Variants in ACSM1 observed in about 807,000 individuals in gnomAD.
The protein encoded by ACSM1 is acyl-CoA synthetase medium chain family member 1, also known as acyl-coenzyme A synthetase ACSM1, mitochondrial.
ACSM1 carries 79 observed loss-of-function variants against 75.8 expected under a neutral mutation model. That is an observed-to-expected ratio of 1.04 (90% CI 0.87 to 1.26). The LOEUF is 1.26. ACSM1 is among the 50% of genes most tolerant of loss of function. The probability of loss-of-function intolerance (pLI) is 0.00; values close to 1 mark genes in which losing one functional copy is unlikely to be tolerated. For missense variants in ACSM1, 676 were observed against 720.1 expected (o/e 0.94, Z 0.70); for synonymous variants, 279 against 265.8 (o/e 1.05, Z -0.48).
In ACSM1 at chr16:20,686,911, G is replaced by A. The variant is rs141531627; in HGVS notation, c.193-1508C>T. ...ACATCATGTTGTACACCTTAAATAC[G>A]TATGATTAAAAATTTAAAAAGGAAA... On this transcript the variant is annotated intron_variant, in intron 2 of 13. Transcript: ENST00000520010. 9.0e-4 allele frequency among the ~76,000 whole-genome samples: 136 copies of A among 151,286 alleles called. No individual in the cohort carries two copies. In the Middle Eastern group the frequency reaches 0.014, roughly 15 times the overall value.
At chr16:20,668,487 G>A (rs1392106755) in intron 6 of ACSM1, among the ~76,000 whole-genome samples, 1 of 152,164 alleles carries the variant, frequency 6.6e-6, no homozygotes, top group Non-Finnish European at 1.5e-5. Context: ...CATTGATATA[G>A]AGGTAGGTAA....
chr16:20,695,250 C>T (rs73530599), intron 1 of ACSM1, among the ~76,000 whole-genome samples: 2,397 of 152,250 alleles, frequency 0.016, 66 homozygotes, highest in African/African-American at 0.054. Context: ...ACCCACATAA[C>T]TTGGGGCAAT....
chr16:20,677,977 C>T (rs2079342317), intron 4 of ACSM1, among the ~76,000 whole-genome samples: 1 of 147,886 alleles, frequency 6.8e-6, no homozygotes, highest in South Asian at 2.1e-4. Flanking sequence ...AGATGCACTG[C>T]AAGGGGCACC....
At chr16:20,637,568 C>T in intron 8 of ACSM1, 117 bp from the exon 9 acceptor site, 1 of 929,520 alleles carries the variant, frequency 1.1e-6, no homozygotes, top group Non-Finnish European at 1.7e-6. Flanking sequence ...TCAATGGATG[C>T]TGCCCAAAGA....
intron 7 of ACSM1, among the ~76,000 whole-genome samples, chr16:20,647,336 C>A (rs758789249): frequency 6.6e-6 from 1 of 152,198 alleles, no homozygotes; most frequent in Non-Finnish European, 1.5e-5. Flanking sequence ...GGAATGAAGA[C>A]CGACTAGAGT....
At chr16:20,679,116 G>A (rs1459498107) in intron 4 of ACSM1, 1 of 152,190 alleles carries the variant, frequency 6.6e-6, no homozygotes, top group African/African-American at 2.4e-5. Context: ...ATACAGGATA[G>A]GCCTCATATT....
chr16:20,623,599 G>C (rs79344689), intron 13 of ACSM1, 27 bp from the exon 14 acceptor site: 1 of 1,596,422 alleles, frequency 6.3e-7, no homozygotes, highest in African/African-American at 1.3e-5. Context: ...CAAATCCACA[G>C]TGATTGAGTC....
At position 20,670,479 on chromosome 16, in the gene ACSM1, C is replaced by T. The variant is rs538810682; in HGVS notation, c.753-493G>A. ...TCTATTCTAATTTTCTCCAATCCAT[C>T]CTGCATCCTGCAGCCATGATGATCT... is the stretch of plus-strand genomic sequence containing the variant. On this transcript the variant is annotated intron_variant, in intron 5 of 13. Coordinates refer to ENST00000520010, the MANE Select transcript of ACSM1 (RefSeq NM_001318890.3). Among the ~76,000 whole-genome samples, 7 of 152,340 alleles carry T rather than the reference C, an allele frequency of 4.6e-5. No homozygotes were observed. The East Asian group carries it at 1.2e-3, about 25-fold the overall frequency.
At chr16:20,637,877 C>A (rs2017819005) in intron 8 of ACSM1, among the ~76,000 whole-genome samples, 1 of 152,240 alleles carries the variant, frequency 6.6e-6, no homozygotes, top group Admixed American at 6.5e-5. Context: ...TCTGCCACAA[C>A]TTCTTGACTG....
At chr16:20,695,677 T>TGTC (rs1183607941) in intron 1 of ACSM1, among the ~76,000 whole-genome samples, 1 of 139,908 alleles carries the variant, frequency 7.1e-6, no homozygotes, top group African/African-American at 2.7e-5. Context: ...TCTATCTATC[T>TGTC]ATCATCTATC....
At chr16:20,690,760 T>C (rs940331427) in intron 2 of ACSM1, among the ~76,000 whole-genome samples, 2 of 152,224 alleles carry the variant, frequency 1.3e-5, no homozygotes, top group African/African-American at 4.8e-5. Flanking sequence ...TATATTTACC[T>C]ATTTTCTTGT....
rs747957419 is a variant in ACSM1, at chr16:20,671,560, C to T, written c.723G>A (p.Gly241=). The change falls in exon 5 of 14, where the codon GGG becomes GGA. Residue 241 remains glycine, a synonymous_variant. Transcript: ENST00000520010. ...CTGGGAAGGAGGGTTGTAAGGCCAA[C>T]CCATGGGAGTGTTTTGCCATCTTGG... The part of the protein sequence containing the change: ...GFPKMAKHSH[G]LALQPSFPGS... The T allele has an allele frequency of 1.1e-5, 17 of 1,613,426 alleles. No individual in the cohort carries two copies. The highest frequency in any genetic ancestry group is 8.5e-7 in the Non-Finnish European group (1 of 1,179,732).
chr16:20,632,407 A>T (rs909199868), intron 10 of ACSM1, among the ~76,000 whole-genome samples: 1 of 152,220 alleles, frequency 6.6e-6, no homozygotes, highest in African/African-American at 2.4e-5. Context: ...TACTATGAAC[A>T]ATTGTATGCT....
At chr16:20,645,383 G>A (rs2018303301) in intron 7 of ACSM1, among the ~76,000 whole-genome samples, 1 of 152,088 alleles carries the variant, frequency 6.6e-6, no homozygotes, top group Non-Finnish European at 1.5e-5. Context: ...TCCCCCCAAG[G>A]CAAAAACACC....
At chr16:20,672,654 A>C (rs1397491631) in intron 4 of ACSM1, among the ~76,000 whole-genome samples, 1 of 130,116 alleles carries the variant, frequency 7.7e-6, no homozygotes, top group African/African-American at 3.0e-5. Flanking sequence ...AAGTATATAT[A>C]ATATATATCA....
chr16:20,679,576 C>G (rs967793802), intron 4 of ACSM1: 4 of 152,210 alleles, frequency 2.6e-5, no homozygotes, highest in African/African-American at 9.7e-5. Flanking sequence ...AAGCATGTTT[C>G]TATTACATAC....
chr16:20,663,486 C>G (rs1399096744), intron 6 of ACSM1, among the ~76,000 whole-genome samples: 2 of 152,158 alleles, frequency 1.3e-5, no homozygotes, highest in Non-Finnish European at 2.9e-5. Flanking sequence ...ATTCCTTTGA[C>G]TCCGCCGGAC....
chr16:20,626,076 T>C (rs950446407), intron 11 of ACSM1, among the ~76,000 whole-genome samples: 2 of 152,098 alleles, frequency 1.3e-5, no homozygotes, highest in Non-Finnish European at 2.9e-5. Context: ...ACATCATGTT[T>C]TAGAAATTTA....
intron 2 of ACSM1, among the ~76,000 whole-genome samples, chr16:20,686,828 C>A (rs2079561994): frequency 6.6e-6 from 1 of 151,068 alleles, no homozygotes; most frequent in African/African-American, 2.4e-5. Context: ...AAAAGTTTAA[C>A]TATGGAAAGT....
Sources: gnomAD v4.1 joint callset for allele counts (sites outside exome capture counted in the v4.1 genomes callset) on GRCh38, gnomAD v4.1.1 for gene constraint, MANE v1.5 for transcripts, NCBI Gene and HGNC (gene_info 2026-07-23, HGNC 2026-07-21) for gene names.